The following MACROD2 variants were observed in gnomAD, a reference collection of about 807,000 sequenced individuals.
The protein encoded by MACROD2 is mono-ADP ribosylhydrolase 2.
In MACROD2, 36 loss-of-function variants were observed where a neutral mutation model predicts 70.4. The observed-to-expected ratio is 0.51, with a 90% CI of 0.39 to 0.68. The LOEUF (loss-of-function observed/expected upper bound fraction) is 0.68. Among genes scored for constraint, MACROD2 ranks in the 30% least tolerant of loss-of-function variants. The pLI is 0.00. For synonymous variants in MACROD2, 172 were observed against 178.8 expected (o/e 0.96, Z 0.30); for missense variants, 496 against 538.4 (o/e 0.92, Z 0.78).
chr20:15,788,257 C>T (rs1352144642), intron 8 of MACROD2, among the ~76,000 whole-genome samples: 1 of 152,088 alleles, frequency 6.6e-6, no homozygotes, highest in Non-Finnish European at 1.5e-5. Flanking sequence ...ACTTAACTGC[C>T]GTTGCTGAGA....
intron 8 of MACROD2, among the ~76,000 whole-genome samples, chr20:15,813,909 A>C (rs1353994214): frequency 6.6e-6 from 1 of 152,190 alleles, no homozygotes; most frequent in Non-Finnish European, 1.5e-5. Context: ...TTTACCTACC[A>C]TTGCTTTTAT....
At chr20:14,439,979 C>T (rs1384969490) in intron 3 of MACROD2, among the ~76,000 whole-genome samples, 1 of 152,106 alleles carries the variant, frequency 6.6e-6, no homozygotes, top group Non-Finnish European at 1.5e-5. Flanking sequence ...ACATTCCAAA[C>T]AAGAGGCCAC....
chr20:14,992,852 A>C (rs1215450169), intron 5 of MACROD2, among the ~76,000 whole-genome samples: 1 of 150,642 alleles, frequency 6.6e-6, no homozygotes, highest in African/African-American at 2.5e-5. Context: ...TTTAGAGATA[A>C]TACTGCTGGA....
At position 15,005,202 on chromosome 20, in the gene MACROD2, A is replaced by C. The variant is rs115957844; in HGVS notation, c.419-224738A>C. On this transcript the variant is annotated intron_variant, in intron 5 of 17. Transcript: ENST00000684519. Reference sequence around the variant, plus strand: ...TCAAAAATAAACCCTTCAATATTTTATGACAGGTATTATTGACAGAATAGA... The same window carrying C: ...TCAAAAATAAACCCTTCAATATTTTCTGACAGGTATTATTGACAGAATAGA... 6.7e-3 allele frequency among the ~76,000 whole-genome samples: 1,015 copies of C among 152,360 alleles called. 14 individuals are homozygous for C. The highest frequency in any genetic ancestry group is 0.061 in the Middle Eastern group (18 of 294).
chr20:15,175,459 T>A (rs1266113564), intron 5 of MACROD2, among the ~76,000 whole-genome samples: 1 of 152,086 alleles, frequency 6.6e-6, no homozygotes, highest in Non-Finnish European at 1.5e-5. Flanking sequence ...AAAAAAGATA[T>A]GCATGGCAAA....
chr20:15,870,288 A>G (rs2064561512), intron 9 of MACROD2, among the ~76,000 whole-genome samples: 2 of 151,708 alleles, frequency 1.3e-5, no homozygotes, highest in Admixed American at 1.3e-4. Context: ...TCTTGATCTC[A>G]TCAATGAAAA....
At chr20:14,100,378 G>A (rs191573723) in intron 3 of MACROD2, among the ~76,000 whole-genome samples, 14 of 150,868 alleles carry the variant, frequency 9.3e-5, no homozygotes, top group Non-Finnish European at 1.6e-4. Context: ...CTTTTGCATC[G>A]TAGATATGCC....
At chr20:15,517,041 C>CA (rs774486960) in intron 8 of MACROD2, among the ~76,000 whole-genome samples, 61 of 151,738 alleles carry the variant, frequency 4.0e-4, no homozygotes, top group Non-Finnish European at 7.1e-4. Flanking sequence ...AATGGTATCT[C>CA]AAAAAAAACT....
intron 6 of MACROD2, among the ~76,000 whole-genome samples, chr20:15,314,929 C>G (rs968783898): frequency 2.0e-5 from 3 of 152,206 alleles, no homozygotes; most frequent in African/African-American, 4.8e-5. Context: ...TCAACTCATG[C>G]TGATTGCTAG....
chr20:15,088,395 TTTTATATATATATATA>T (rs2075764617), intron 5 of MACROD2, among the ~76,000 whole-genome samples: 4 of 103,272 alleles, frequency 3.9e-5, no homozygotes, highest in African/African-American at 1.7e-4. Context: ...ATATACTATA[TTTTATATATATATATA>T]TATATATATA....
rs560712535 is a variant in MACROD2, at chr20:15,827,168, A to G, written c.646-35577A>G. ...TGGTCTATAACAAAGCTTTTCAAAG[A>G]TAAGAAGAAAAACTATGGTAGTACT... On this transcript the variant is annotated intron_variant, in intron 8 of 17. Transcript: ENST00000684519. Among the ~76,000 whole-genome samples the G allele has an allele frequency of 2.0e-5, 3 of 152,306 alleles. No individual in the cohort carries two copies. The South Asian group carries it at 6.2e-4, about 32-fold the overall frequency.
chr20:14,384,421 A>G (rs1431499262), intron 3 of MACROD2, among the ~76,000 whole-genome samples: 1 of 152,124 alleles, frequency 6.6e-6, no homozygotes, highest in Non-Finnish European at 1.5e-5. Context: ...CTAAGAAAGG[A>G]AATAACTAAA....
At chr20:14,402,143 T>C (rs2083644306) in intron 3 of MACROD2, among the ~76,000 whole-genome samples, 1 of 152,210 alleles carries the variant, frequency 6.6e-6, no homozygotes, top group African/African-American at 2.4e-5. Flanking sequence ...TGGGTATATA[T>C]GTCTCATGCT....
At chr20:15,608,493 A>T (rs1312852595) in intron 8 of MACROD2, among the ~76,000 whole-genome samples, 1 of 152,172 alleles carries the variant, frequency 6.6e-6, no homozygotes, top group Non-Finnish European at 1.5e-5. Context: ...TGCATCAAGG[A>T]GCCGAGCCTA....
chr20:14,102,530 A>G (rs555911128), intron 3 of MACROD2, among the ~76,000 whole-genome samples: 83 of 152,274 alleles, frequency 5.5e-4, no homozygotes, highest in Non-Finnish European at 1.0e-3. Context: ...ATGTTCAGAA[A>G]CCACCTCCTG....
chr20:15,547,465 C>G (rs2048040229), intron 8 of MACROD2, among the ~76,000 whole-genome samples: 1 of 152,132 alleles, frequency 6.6e-6, no homozygotes, highest in South Asian at 2.1e-4. Context: ...GATGAGGGAT[C>G]ATGTCTCTAA....
intron 5 of MACROD2, among the ~76,000 whole-genome samples, chr20:15,173,000 G>T (rs2076434053): frequency 6.6e-6 from 1 of 152,090 alleles, no homozygotes; most frequent in African/African-American, 2.4e-5. Flanking sequence ...AAACTTAAAA[G>T]AATATTAATT....
At chr20:14,589,154 G>C (rs1981590176) in intron 4 of MACROD2, among the ~76,000 whole-genome samples, 1 of 151,880 alleles carries the variant, frequency 6.6e-6, no homozygotes, top group Non-Finnish European at 1.5e-5. Context: ...CAGGATTCAT[G>C]GATTTTTCTC....
intron 9 of MACROD2, among the ~76,000 whole-genome samples, chr20:15,872,059 T>G (rs1332176483): frequency 2.0e-5 from 3 of 152,140 alleles, no homozygotes; most frequent in Non-Finnish European, 4.4e-5. Context: ...TCCTTTCCAC[T>G]CCGTAATGCT....
Sources: gnomAD v4.1 joint callset for allele counts (sites outside exome capture counted in the v4.1 genomes callset) on GRCh38, gnomAD v4.1.1 for gene constraint, MANE v1.5 for transcripts, NCBI Gene and HGNC (gene_info 2026-07-23, HGNC 2026-07-21) for gene names.